The following TRMO variants were observed in gnomAD, a reference collection of about 807,000 sequenced individuals.
TRMO encodes the protein tRNA methyltransferase O, also known as tRNA (adenine(37)-N6)-methyltransferase.
Under a neutral mutation model 37.2 loss-of-function variants are expected in TRMO, and 30 were observed. The ratio of observed to expected loss-of-function variants is 0.81; its 90% CI spans 0.60 to 1.09. TRMO has a LOEUF of 1.09. Ranked by LOEUF, TRMO falls within the 50% of genes least tolerant of loss-of-function variation. The pLI, the probability that TRMO is intolerant of heterozygous loss-of-function variation, is 0.00. For missense variants in TRMO, 552 were observed against 549.5 expected (o/e 1.00, Z -0.05); for synonymous variants, 239 against 199.4 (o/e 1.20, Z -1.67).
rs767685242 is a variant in TRMO at position 97,913,426 on chromosome 9, G to C, written c.384C>G (p.Thr128=). ...CTTCTACCTTTTCCAGCTTGGCCAGGGTCAGTCCTATTGCATTGGGACGAT... is the reference window on the plus strand; with the variant it reads ...CTTCTACCTTTTCCAGCTTGGCCAGCGTCAGTCCTATTGCATTGGGACGAT... ...SPHRPNAIGL[T]LAKLEKVEGG... is the part of the protein sequence containing the mutation. Residue 128 remains threonine (T), a synonymous_variant, in exon 3 of 5, where the codon ACC becomes ACG. Coordinates refer to ENST00000375119, the MANE Select transcript of TRMO (RefSeq NM_016481.5). 5 of 1,613,842 alleles carry C rather than the reference G, an allele frequency of 3.1e-6. No individual in the cohort carries two copies. The highest frequency in any genetic ancestry group is 1.7e-6 in the Non-Finnish European group (2 of 1,179,920).
intron 1 of TRMO, among the ~76,000 whole-genome samples, chr9:97,918,006 T>C (rs920909351): frequency 1.3e-5 from 2 of 151,746 alleles, no homozygotes; most frequent in Admixed American, 1.3e-4. Flanking sequence ...TTTTTAACAG[T>C]GGTTAATCTG....
intron 4 of TRMO, among the ~76,000 whole-genome samples, chr9:97,906,895 T>C (rs539643615): frequency 8.6e-5 from 13 of 151,004 alleles, no homozygotes; most frequent in Non-Finnish European, 1.5e-5. Flanking sequence ...AAAACAAAAC[T>C]TTCCATAGTA....
chr9:97,916,534 T>C (rs1463122732), intron 1 of TRMO, among the ~76,000 whole-genome samples, 196 bp from the exon 2 acceptor site: 1 of 152,048 alleles, frequency 6.6e-6, no homozygotes, highest in Non-Finnish European at 1.5e-5. Context: ...ACATACATCA[T>C]TACATACATA....
Position 97,910,204 on chromosome 9 carries a change from A to G in TRMO, c.822T>C (p.Tyr274=), listed in dbSNP as rs201234009. The G allele has an allele frequency of 6.2e-7, 1 of 1,614,216 alleles. No individual in the cohort carries two copies. The highest frequency in any genetic ancestry group is 1.1e-5 in the South Asian group (1 of 91,088). The change falls in exon 4 of 5, where the codon TAT becomes TAC. Residue 274 remains tyrosine (Y), a synonymous_variant. Transcript: ENST00000375119. Reference sequence around the variant, plus strand: ...TCTCTGAAAAGCTCTTCTCTGGGCAATATGGGCCAATTTGTTCTTCTGCCA... The same window carrying G: ...TCTCTGAAAAGCTCTTCTCTGGGCAGTATGGGCCAATTTGTTCTTCTGCCA... The part of the protein sequence containing the change: ...SSVAEEQIGP[Y]CPEKSFSEKG...
At chr9:97,915,674 A>G (rs1470744858) in intron 2 of TRMO, 1 of 152,304 alleles carries the variant, frequency 6.6e-6, no homozygotes, top group Non-Finnish European at 1.5e-5. Context: ...AATACAGTAC[A>G]AAATTCCATA....
intron 1 of TRMO, 47 bp downstream of exon 1, chr9:97,922,371 G>T: frequency 7.6e-7 from 1 of 1,318,334 alleles, no homozygotes; most frequent in Non-Finnish European, 1.1e-6. Flanking sequence ...TCCGCTGCCT[G>T]GGCCTAAACC....
intron 4 of TRMO, among the ~76,000 whole-genome samples, chr9:97,908,403 C>G (rs1309827647): frequency 7.7e-6 from 1 of 130,162 alleles, no homozygotes; most frequent in African/African-American, 3.2e-5. Context: ...CAGAGCGAGA[C>G]TCCGTCTCAA....
At chr9:97,917,604 C>T (rs1160614578) in intron 1 of TRMO, among the ~76,000 whole-genome samples, 1 of 152,040 alleles carries the variant, frequency 6.6e-6, no homozygotes, top group Non-Finnish European at 1.5e-5. Flanking sequence ...TACATATTTA[C>T]CTTCTTAAAC....
rs1327730953 is a variant in TRMO at position 97,913,461 on chromosome 9, T to C, written c.349A>G (p.Arg117Gly). 1 of 1,613,994 alleles carries C rather than the reference T, an allele frequency of 6.2e-7. No individual in the cohort carries two copies. Among genetic ancestry groups the C allele is most frequent in the African/African-American group, 1.3e-5 (1 of 74,908 alleles). ...NGAKTGVFST[R>G]SPHRPNAIGL... ...ATTGCATTGGGACGATGAGGGCTCCTTGTGGAAAAAACTCCAGTCTTTGCA... is the reference window on the plus strand; with the variant it reads ...ATTGCATTGGGACGATGAGGGCTCCCTGTGGAAAAAACTCCAGTCTTTGCA... Residue 117 changes from arginine to glycine, a missense_variant, in exon 3 of 5, where the codon AGG (arginine) becomes GGG (glycine). Transcript: ENST00000375119.
At chr9:97,910,667 TAC>T in intron 3 of TRMO, 51 bp from the exon 4 acceptor site, 1 of 1,582,846 alleles carries the variant, frequency 6.3e-7, no homozygotes, top group African/African-American at 1.3e-5. Flanking sequence ...ACTTGGAGAA[TAC>T]AGTCACGCCC....
intron 1 of TRMO, among the ~76,000 whole-genome samples, chr9:97,918,701 T>C (rs1282967753): frequency 2.6e-5 from 4 of 152,314 alleles, no homozygotes; most frequent in East Asian, 3.9e-4. Context: ...ATTTGATATA[T>C]ATAAATATCA....
downstream of TRMO, chr9:97,900,797 C>G: frequency 1.1e-6 from 1 of 930,714 alleles, no homozygotes; most frequent in Non-Finnish European, 1.3e-6. Context: ...TTTAAAAACC[C>G]TACCAACAAG....
Position 97,904,848 on chromosome 9 carries a change from G to T in TRMO, c.1211C>A (p.Ala404Glu). Residue 404 changes from alanine to glutamate, a missense_variant, in exon 5 of 5, where the codon GCG (alanine) becomes GAG (glutamate). Physicochemically the swap from Ala to Glu is moderately radical, Grantham distance 107. Transcript: ENST00000375119. ...DRLFYFTVDI[A>E]HVTCWFGDGF... ...ATCACCAAACCAGCAAGTGACATGC[G>T]CTATGTCTACAGTAAAGTAGAAAAG... is the stretch of plus-strand genomic sequence containing the variant. The T allele has an allele frequency of 6.2e-7, 1 of 1,614,146 alleles. No homozygotes were observed.
Position 97,910,363 on chromosome 9 carries a change from A to G in TRMO, c.663T>C (p.Cys221=). ...TTTCTTCTGAAGTTCTGTCTTCAGG[A>G]CATTTAGGTTTCCTCTTAGTGCTAT... The part of the protein sequence containing the change: ...PHHSTKRKPK[C]PEDRTSEENY... The change falls in exon 4 of 5, where the codon TGT becomes TGC. Residue 221 remains cysteine (C), a synonymous_variant. Transcript: ENST00000375119. 1.9e-6 allele frequency: 3 copies of G among 1,614,140 alleles called. No homozygotes were observed. The highest frequency in any genetic ancestry group is 2.5e-6 in the Non-Finnish European group (3 of 1,180,020).
At chr9:97,903,548 T>C (rs1825731980), downstream of TRMO, among the ~76,000 whole-genome samples, 1 of 152,258 alleles carries the variant, frequency 6.6e-6, no homozygotes, top group Non-Finnish European at 1.5e-5. Context: ...TCATAAATCC[T>C]CAGTTATCTG....
At chr9:97,921,156 T>A (rs1241458701) in intron 1 of TRMO, among the ~76,000 whole-genome samples, 1 of 152,238 alleles carries the variant, frequency 6.6e-6, no homozygotes, top group Non-Finnish European at 1.5e-5. Context: ...CTTTAGAATG[T>A]ACACAAACAT....
chr9:97,919,443 GAAA>G (rs1382801938), intron 1 of TRMO, among the ~76,000 whole-genome samples: 2 of 135,430 alleles, frequency 1.5e-5, no homozygotes, highest in African/African-American at 5.0e-5. Context: ...GAAAGGGAAA[GAAA>G]GGAAAGAAAA....
At chr9:97,900,446 C>T (rs1448191016), downstream of TRMO, among the ~76,000 whole-genome samples, 1 of 152,254 alleles carries the variant, frequency 6.6e-6, no homozygotes, top group African/African-American at 2.4e-5. Context: ...ATGGGCGTTT[C>T]TGCCCTTATT....
chr9:97,912,016 A>T (rs1463279613), intron 3 of TRMO: 1 of 152,254 alleles, frequency 6.6e-6, no homozygotes, highest in Non-Finnish European at 1.5e-5. Flanking sequence ...GCACTGTAGC[A>T]TAAGTAAGAC....
Sources: gnomAD v4.1 joint callset for allele counts (sites outside exome capture counted in the v4.1 genomes callset) on GRCh38, gnomAD v4.1.1 for gene constraint, MANE v1.5 for transcripts, NCBI Gene and HGNC (gene_info 2026-07-23, HGNC 2026-07-21) for gene names.